Variants in GABBR2 observed in about 807,000 individuals in gnomAD.
GABBR2 encodes the protein G-protein coupled receptor 51.
In GABBR2, 23 loss-of-function variants were observed where a neutral mutation model predicts 105.6. The ratio of observed to expected loss-of-function variants is 0.22; its 90% CI spans 0.16 to 0.31. The LOEUF is 0.31. GABBR2 is among the 10% of genes least tolerant of loss of function. The probability of loss-of-function intolerance (pLI) is 1.00; values close to 1 mark genes in which losing one functional copy is unlikely to be tolerated. For missense variants in GABBR2, 734 were observed against 1,245.5 expected (o/e 0.59, Z 6.18); for synonymous variants, 478 against 499.7 (o/e 0.96, Z 0.58).
At chr9:98,690,648 G>A (rs35388660) in intron 1 of GABBR2, among the ~76,000 whole-genome samples, 9,808 of 152,212 alleles carry the variant, frequency 0.064, 451 homozygotes, top group Non-Finnish European at 0.1. Context: ...CTCTCAAGAG[G>A]GGCTGATTAA....
intron 2 of GABBR2, among the ~76,000 whole-genome samples, chr9:98,551,259 CG>C (rs1828480874): frequency 6.6e-6 from 1 of 152,030 alleles, no homozygotes; most frequent in African/African-American, 2.4e-5. Context: ...AAAAATTAGC[CG>C]GGCGTGGTGG....
At chr9:98,529,864 G>A (rs1564105261) in intron 3 of GABBR2, among the ~76,000 whole-genome samples, 1 of 152,178 alleles carries the variant, frequency 6.6e-6, no homozygotes, top group Non-Finnish European at 1.5e-5. Flanking sequence ...TTAGAGGCAT[G>A]CAGGGATCTT....
chr9:98,672,470 A>T (rs1049296248), intron 1 of GABBR2, among the ~76,000 whole-genome samples: 8 of 152,244 alleles, frequency 5.3e-5, no homozygotes, highest in Admixed American at 2.6e-4. Context: ...CTTCTTCAAT[A>T]CTACACTCAA....
intron 3 of GABBR2, chr9:98,516,425 G>A (rs1184325300): frequency 6.6e-6 from 1 of 152,254 alleles, no homozygotes; most frequent in Non-Finnish European, 1.5e-5. Context: ...TGGACAGCTG[G>A]GGAAACTGAA....
At chr9:98,354,796 T>G (rs73492900) in intron 13 of GABBR2, among the ~76,000 whole-genome samples, 3,998 of 152,332 alleles carry the variant, frequency 0.026, 166 homozygotes, top group African/African-American at 0.092. Flanking sequence ...AAGGCTGTTT[T>G]GCTTTCTTAT....
chr9:98,663,377 C>T (rs911182259), intron 1 of GABBR2, among the ~76,000 whole-genome samples: 2 of 152,072 alleles, frequency 1.3e-5, no homozygotes, highest in African/African-American at 4.8e-5. Context: ...CAGAACTGGT[C>T]TACCTGATAG....
chr9:98,518,605 T>C (rs555031243), intron 3 of GABBR2, among the ~76,000 whole-genome samples: 83 of 152,304 alleles, frequency 5.4e-4, no homozygotes, highest in African/African-American at 1.9e-3. Flanking sequence ...GGCCCTGCTT[T>C]CTCGGCCCTG....
chr9:98,454,251 T>C lies in GABBR2; in HGVS notation c.1000-34A>G. On this transcript the variant is annotated intron_variant, in intron 6 of 18. Coordinates refer to ENST00000259455, the MANE Select transcript of GABBR2 (RefSeq NM_005458.8). This position sits in a 1 kb window ranked among gnomAD's most constrained non-coding sequence, Gnocchi z 4.6. ...ACAGGGGATTGGGGGAATCCCAAGT[T>C]ATACTCGGCAGGGACATCAGGTGCC... 1 of 1,454,066 alleles carries C rather than the reference T, an allele frequency of 6.9e-7. No homozygotes were observed. Among genetic ancestry groups the C allele is most frequent in the Non-Finnish European group, 9.7e-7 (1 of 1,034,116 alleles). The allele number at this position is 1,454,066 out of a possible 1,614,324, so 90.1% of individuals were successfully genotyped here. A position where few individuals can be genotyped will look rare whatever the true frequency, so the allele number is the denominator to read the frequency against.
At chr9:98,702,122 T>A (rs920795390) in intron 1 of GABBR2, among the ~76,000 whole-genome samples, 3 of 152,048 alleles carry the variant, frequency 2.0e-5, no homozygotes, top group Admixed American at 6.6e-5. Flanking sequence ...AGGTGAGTGG[T>A]GCCCAAATGA....
At chr9:98,395,982 A>T (rs1360840240) in intron 8 of GABBR2, among the ~76,000 whole-genome samples, 79 of 151,828 alleles carry the variant, frequency 5.2e-4, no homozygotes, top group Admixed American at 5.0e-3. Flanking sequence ...TCTCAGTCCC[A>T]CTTAAAGACA....
At chr9:98,431,248 ATCTT>A (rs962466859) in intron 7 of GABBR2, among the ~76,000 whole-genome samples, 13 of 152,000 alleles carry the variant, frequency 8.6e-5, no homozygotes, top group African/African-American at 2.9e-4. Context: ...CCTCCTACAC[ATCTT>A]TCTTTCTTTC....
intron 3 of GABBR2, among the ~76,000 whole-genome samples, chr9:98,526,092 G>C (rs999165127): frequency 2.0e-5 from 3 of 152,106 alleles, no homozygotes; most frequent in African/African-American, 7.2e-5. Context: ...GCACATTATT[G>C]TGTATATACT....
intron 1 of GABBR2, among the ~76,000 whole-genome samples, chr9:98,702,397 C>T (rs549197717): frequency 3.3e-5 from 5 of 152,264 alleles, no homozygotes; most frequent in Admixed American, 1.3e-4. Context: ...GCCCCATCAC[C>T]GCTCCCTTCA....
intron 1 of GABBR2, among the ~76,000 whole-genome samples, chr9:98,692,886 T>C (rs1478535821): frequency 2.0e-5 from 3 of 152,200 alleles, no homozygotes. Flanking sequence ...AGAGGAACCA[T>C]TTTATAAGAA....
intron 3 of GABBR2, among the ~76,000 whole-genome samples, chr9:98,520,072 T>C (rs537506497): frequency 6.6e-6 from 1 of 152,180 alleles, no homozygotes; most frequent in African/African-American, 2.4e-5. Flanking sequence ...CTCTCTGAGC[T>C]TTTTTTCTTG....
At chr9:98,511,777 C>T (rs1189125313) in intron 3 of GABBR2, among the ~76,000 whole-genome samples, 4 of 152,078 alleles carry the variant, frequency 2.6e-5, no homozygotes, top group African/African-American at 9.7e-5. Context: ...AGATTACCAA[C>T]CAAAAAAATT....
intron 17 of GABBR2, among the ~76,000 whole-genome samples, chr9:98,296,858 T>C (rs1437586969): frequency 6.6e-6 from 1 of 151,800 alleles, no homozygotes; most frequent in Non-Finnish European, 1.5e-5. Context: ...ACTGTACTTA[T>C]CATGGCTTTT....
rs749767338 is a variant in GABBR2, at chr9:98,417,675, T to C, written c.1237-11534A>G. ...CATGCTAGACCCTGCAGTGTTACAA[T>C]GAAAAAGACAAAATCGTTGTCTTCT... is the stretch of plus-strand genomic sequence containing the variant. On this transcript the variant is annotated intron_variant, in intron 7 of 18. Transcript: ENST00000259455. 8.5e-4 allele frequency among the ~76,000 whole-genome samples: 130 copies of C among 152,134 alleles called. 1 individual carries two copies. Among genetic ancestry groups the C allele is most frequent in the Non-Finnish European group, 5.9e-4 (40 of 68,006 alleles).
At chr9:98,598,711 C>CTGGAACGGGCTTCCACATGGCTGGG (rs1469329277) in intron 1 of GABBR2, among the ~76,000 whole-genome samples, 6 of 152,242 alleles carry the variant, frequency 3.9e-5, no homozygotes, top group African/African-American at 1.4e-4. Context: ...CACAGCAGAT[C>CTGGAACGGGCTTCCACATGGCTGGG]AAGCATCTGG....
Sources: allele counts gnomAD v4.1 joint callset (sites outside exome capture counted in the v4.1 genomes callset), GRCh38; gene constraint gnomAD v4.1.1; non-coding constraint Gnocchi (gnomAD v3.1); transcripts MANE v1.5; gene names NCBI Gene and HGNC (gene_info 2026-07-23, HGNC 2026-07-21).